The following PLCB4 variants were observed in gnomAD, a reference collection of about 807,000 sequenced individuals.
PLCB4 encodes phospholipase C beta 4.
A neutral mutation model predicts 178.8 loss-of-function variants in PLCB4; 77 were observed. That is an observed-to-expected ratio of 0.43 (90% CI 0.36 to 0.52). The LOEUF is 0.52. PLCB4 is among the 20% of genes least tolerant of loss of function. The pLI is 0.00. For missense variants in PLCB4, 1,024 were observed against 1,453.4 expected, an observed-to-expected ratio of 0.70 and a Z score of 4.80; for synonymous variants, 496 against 490.8, an observed-to-expected ratio of 1.01 and a Z score of -0.14.
chr20:9,258,253 T>A (rs1378488456), intron 3 of PLCB4, among the ~76,000 whole-genome samples: 1 of 152,208 alleles, frequency 6.6e-6, no homozygotes, highest in Non-Finnish European at 1.5e-5. Context: ...TTCACATTTT[T>A]ATGTAAATGT....
intron 3 of PLCB4, among the ~76,000 whole-genome samples, chr20:9,303,514 T>G (rs2094729214): frequency 1.3e-5 from 2 of 152,182 alleles, no homozygotes; most frequent in Admixed American, 1.3e-4. Context: ...ATGACAGAAT[T>G]TCTTCCCTTT....
At chr20:9,275,514 G>T (rs532205111) in intron 3 of PLCB4, among the ~76,000 whole-genome samples, 1 of 152,176 alleles carries the variant, frequency 6.6e-6, no homozygotes, top group Admixed American at 6.5e-5. Flanking sequence ...TCATGTGGCT[G>T]TTAAATGGTA....
chr20:9,214,634 T>A (rs1218741930), intron 2 of PLCB4, among the ~76,000 whole-genome samples: 1 of 151,564 alleles, frequency 6.6e-6, no homozygotes, highest in African/African-American at 2.4e-5. Flanking sequence ...CACAGTCCCT[T>A]CTTTACCAAA....
At chr20:9,459,468 T>C (rs1466335206) in intron 34 of PLCB4, among the ~76,000 whole-genome samples, 167 bp from the exon 35 acceptor site, 1 of 152,250 alleles carries the variant, frequency 6.6e-6, no homozygotes, top group Non-Finnish European at 1.5e-5. Flanking sequence ...AATAACTTCC[T>C]GCTTCCCATT....
chr20:9,124,637 A>T (rs1021144678), intron 2 of PLCB4, among the ~76,000 whole-genome samples: 1 of 152,214 alleles, frequency 6.6e-6, no homozygotes, highest in Non-Finnish European at 1.5e-5. Flanking sequence ...TATTTAAGAA[A>T]CAAGCAACAA....
chr20:9,315,999 G>A (rs1186090069), intron 4 of PLCB4, among the ~76,000 whole-genome samples: 1 of 151,990 alleles, frequency 6.6e-6, no homozygotes. Context: ...AGCATTCCAA[G>A]ACATGGAAAC....
rs185573451 is a variant in PLCB4 at position 9,309,087 on chromosome 20, G to A, written c.84+1189G>A. On this transcript the variant is annotated intron_variant, in intron 4 of 39. Coordinates refer to ENST00000378473, the MANE Select transcript of PLCB4 (RefSeq NM_001377142.1). ...ATATAAAGCAGATCCCATTTCTCCT[G>A]TGTTTAAAATGCTTCCATCACTTCC... 3.1e-3 allele frequency among the ~76,000 whole-genome samples: 474 copies of A among 152,080 alleles called. 1 individual carries two copies. Among genetic ancestry groups the A allele is most frequent in the African/African-American group, 0.011 (448 of 41,486 alleles).
At chr20:9,117,976 C>A (rs780112864) in intron 2 of PLCB4, among the ~76,000 whole-genome samples, 1 of 151,362 alleles carries the variant, frequency 6.6e-6, no homozygotes, top group Non-Finnish European at 1.5e-5. Context: ...TTATTTATTT[C>A]TTTGTTTACC....
chr20:9,465,038 A>G (rs1044662166), intron 35 of PLCB4, among the ~76,000 whole-genome samples: 6 of 152,148 alleles, frequency 3.9e-5, no homozygotes, highest in East Asian at 1.9e-4. Context: ...CCTCAATAAG[A>G]TAAATACTGG....
At chr20:9,100,669 C>T (rs2208293) in intron 2 of PLCB4, among the ~76,000 whole-genome samples, 133,424 of 152,200 alleles carry the variant, frequency 0.88, 58,927 homozygotes, top group East Asian at 1. Flanking sequence ...CTGTTTCTTA[C>T]ATGCACCATG....
chr20:9,119,865 G>A (rs909598429), intron 2 of PLCB4, among the ~76,000 whole-genome samples: 1 of 152,172 alleles, frequency 6.6e-6, no homozygotes, highest in Non-Finnish European at 1.5e-5. Context: ...GTTGCCTTAG[G>A]CAGTGTAAGA....
At chr20:9,461,938 G>T (rs1403888841) in intron 35 of PLCB4, among the ~76,000 whole-genome samples, 3 of 152,144 alleles carry the variant, frequency 2.0e-5, no homozygotes, top group Admixed American at 6.6e-5. Context: ...CTCTGAGAAC[G>T]GACAGACTGC....
chr20:9,222,096 ATTTTATTTT>A (rs2093807110), intron 3 of PLCB4, among the ~76,000 whole-genome samples: 1 of 89,720 alleles, frequency 1.1e-5, no homozygotes, highest in Non-Finnish European at 2.2e-5. Context: ...ATTTTATTTT[ATTTTATTTT>A]ATTTTGACAG....
At chr20:9,123,562 A>G (rs1392085680) in intron 2 of PLCB4, among the ~76,000 whole-genome samples, 2 of 151,958 alleles carry the variant, frequency 1.3e-5, no homozygotes, top group East Asian at 3.9e-4. Flanking sequence ...GCTGGGATAA[A>G]CAATATAGAT....
chr20:9,478,883 A>G lies in PLCB4; in HGVS notation c.3533-38A>G, dbSNP rs770802945. ...GGTTGTTAAGTGCCTTCAGATAAGG[A>G]TTTCAACACACGTAAGGCCATGTTT... is the stretch of plus-strand genomic sequence containing the variant. On this transcript the variant is annotated intron_variant, in intron 39 of 39. Coordinates refer to ENST00000378473, the MANE Select transcript of PLCB4 (RefSeq NM_001377142.1). 2.0e-6 allele frequency: 3 copies of G among 1,510,114 alleles called. No homozygotes were observed. In the African/African-American group the frequency reaches 4.1e-5, roughly 21 times the overall value. 93.5% of individuals were successfully genotyped at this position (1,510,114 alleles called of 1,614,324 possible).
chr20:9,413,138 C>G (rs1367270616), intron 25 of PLCB4, among the ~76,000 whole-genome samples: 1 of 152,226 alleles, frequency 6.6e-6, no homozygotes, highest in African/African-American at 2.4e-5. Flanking sequence ...ACTCCTGGCT[C>G]TTACAGGACC....
chr20:9,214,560 GAC>G (rs11474652), intron 2 of PLCB4, among the ~76,000 whole-genome samples: 1,937 of 145,260 alleles, frequency 0.013, 13 homozygotes, highest in Non-Finnish European at 0.018. Flanking sequence ...AAACACCCCA[GAC>G]ACACACACAC....
chr20:9,149,533 G>A (rs1167957711), intron 2 of PLCB4, among the ~76,000 whole-genome samples: 3 of 152,078 alleles, frequency 2.0e-5, no homozygotes, highest in Admixed American at 6.6e-5. Context: ...TTCTTGCAAC[G>A]TACTGTGCAG....
At chr20:9,431,916 A>G (rs1472094086) in intron 28 of PLCB4, among the ~76,000 whole-genome samples, 1 of 152,232 alleles carries the variant, frequency 6.6e-6, no homozygotes, top group Non-Finnish European at 1.5e-5. Flanking sequence ...CATATGAGTT[A>G]TATAAAGTGC....
Sources: gnomAD v4.1 joint callset for allele counts (sites outside exome capture counted in the v4.1 genomes callset) on GRCh38, gnomAD v4.1.1 for gene constraint, MANE v1.5 for transcripts, NCBI Gene and HGNC (gene_info 2026-07-23, HGNC 2026-07-21) for gene names.